Variants in PIP5K1B observed in about 807,000 individuals in gnomAD.
The protein encoded by PIP5K1B is phosphatidylinositol-4-phosphate 5-kinase type 1 beta, also known as phosphatidylinositol 4-phosphate 5-kinase type-1 beta.
PIP5K1B carries 42 observed loss-of-function variants against 67.0 expected under a neutral mutation model. The observed-to-expected ratio is 0.63, with a 90% confidence interval of 0.49 to 0.81. The LOEUF is 0.81. Among genes scored for constraint, PIP5K1B ranks in the 30% least tolerant of loss-of-function variants. PIP5K1B has a pLI of 0.00. For synonymous variants in PIP5K1B, 214 were observed against 231.4 expected (o/e 0.92, Z 0.68); for missense variants, 459 against 646.3 (o/e 0.71, Z 3.14).
At chr9:68,960,458 T>C (rs1205852718) in intron 14 of PIP5K1B, among the ~76,000 whole-genome samples, 2 of 152,150 alleles carry the variant, frequency 1.3e-5, no homozygotes, top group East Asian at 3.8e-4. Context: ...TTTTCTTAGG[T>C]CTAGGAAATT....
At chr9:68,789,105 T>C (rs1831808588) in intron 2 of PIP5K1B, 2 of 560,782 alleles carry the variant, frequency 3.6e-6, no homozygotes, top group Non-Finnish European at 6.9e-6. Flanking sequence ...GGCATCAATC[T>C]CTTCAATCAC....
intron 6 of PIP5K1B, among the ~76,000 whole-genome samples, chr9:68,887,732 G>T (rs1346018646): frequency 6.6e-6 from 1 of 152,182 alleles, no homozygotes; most frequent in African/African-American, 2.4e-5. Flanking sequence ...TGAACTAAGG[G>T]TGTTGGCAGA....
At chr9:68,799,553 A>G (rs1832481432) in intron 2 of PIP5K1B, among the ~76,000 whole-genome samples, 1 of 152,208 alleles carries the variant, frequency 6.6e-6, no homozygotes, top group Admixed American at 6.5e-5. Context: ...CATATAGGCC[A>G]ATAAAATAGA....
At chr9:68,900,738 AAG>A (rs1340184415) in intron 8 of PIP5K1B, among the ~76,000 whole-genome samples, 4 of 152,180 alleles carry the variant, frequency 2.6e-5, no homozygotes, top group African/African-American at 9.7e-5. Flanking sequence ...TTAATTTTTA[AAG>A]AGTGTGGAAC....
chr9:68,789,210 G>A lies in PIP5K1B; in HGVS notation c.-85-29251G>A, dbSNP rs539774811. ...AGTGGGAAGTTGGTCACCCACATTGGTGCTTCCTGTGATGGTGTTGACAAC... is the reference window on the plus strand; with the variant it reads ...AGTGGGAAGTTGGTCACCCACATTGATGCTTCCTGTGATGGTGTTGACAAC... On this transcript the variant is annotated intron_variant, in intron 2 of 15. Transcript: ENST00000265382. The A allele has an allele frequency of 1.6e-5, 8 of 515,416 alleles. No individual in the cohort carries two copies. In the East Asian group the frequency reaches 3.8e-4, roughly 24 times the overall value. 31.9% of individuals were successfully genotyped at this position (515,416 alleles called of 1,614,324 possible).
At chr9:68,909,435 T>C (rs1479339089) in intron 8 of PIP5K1B, among the ~76,000 whole-genome samples, 1 of 152,100 alleles carries the variant, frequency 6.6e-6, no homozygotes, top group Non-Finnish European at 1.5e-5. Context: ...AATACCATTA[T>C]AATGGATTAA....
intron 4 of PIP5K1B, chr9:68,824,002 G>A (rs1361041874): frequency 2.2e-6 from 1 of 460,584 alleles, no homozygotes; most frequent in Non-Finnish European, 4.3e-6. Flanking sequence ...GAAAAGAGTT[G>A]GGTAAAGATT....
At chr9:68,967,889 G>A (rs182931029) in intron 14 of PIP5K1B, among the ~76,000 whole-genome samples, 1 of 152,172 alleles carries the variant, frequency 6.6e-6, no homozygotes, top group Admixed American at 6.5e-5. Flanking sequence ...CCCCCATGGG[G>A]GTGAGGTGCT....
intron 4 of PIP5K1B, among the ~76,000 whole-genome samples, chr9:68,840,842 T>C (rs73457664): frequency 0.28 from 42,610 of 152,178 alleles, 6,231 homozygotes; most frequent in Middle Eastern, 0.34. Context: ...TATTTTGCCT[T>C]CTAAGGTTAC....
intron 14 of PIP5K1B, among the ~76,000 whole-genome samples, chr9:68,948,182 T>C (rs1466083890): frequency 2.6e-5 from 4 of 152,230 alleles, no homozygotes; most frequent in Non-Finnish European, 4.4e-5. Context: ...ATCAAGCAAA[T>C]GATACCACAT....
In PIP5K1B at chr9:69,008,458, G is replaced by A. The variant is rs1831186757; in HGVS notation, c.*9G>A. ...TTTGCTCCCCCCAGTAAGTGAAAATGGTGATCACCTAAGCACATGGATGAG... is the reference window on the plus strand; with the variant it reads ...TTTGCTCCCCCCAGTAAGTGAAAATAGTGATCACCTAAGCACATGGATGAG... On this transcript the variant is annotated 3_prime_UTR_variant, in exon 16 of 16. Coordinates refer to ENST00000265382, the MANE Select transcript of PIP5K1B (RefSeq NM_003558.4). 6.2e-7 allele frequency: 1 copy of A among 1,613,576 alleles called. No homozygotes were observed. The highest frequency in any genetic ancestry group is 8.5e-7 in the Non-Finnish European group (1 of 1,179,674).
rs558810934 is a variant in PIP5K1B at position 68,735,316 on chromosome 9, C to CTTT, written c.-242-7159_-242-7157dup. On this transcript the variant is annotated intron_variant, in intron 1 of 15. Coordinates refer to ENST00000265382, the MANE Select transcript of PIP5K1B (RefSeq NM_003558.4). ...CAGATTTGCTGTTTTCCCCTAGTGT[C>CTTT]TTTTTTTTTTTTTTTTTTTTTTTTT... Among the ~76,000 whole-genome samples, 9 of 29,806 alleles carry CTTT rather than the reference C, an allele frequency of 3.0e-4. 1 individual carries two copies. Among genetic ancestry groups the CTTT allele is most frequent in the African/African-American group, 1.2e-3 (9 of 7,598 alleles). The allele number at this position is 29,806 out of a possible 152,430, so 19.6% of individuals were successfully genotyped here. A position where few individuals can be genotyped will look rare whatever the true frequency, so the allele number is the denominator to read the frequency against.
At chr9:69,007,101 C>G (rs181117984) in intron 15 of PIP5K1B, among the ~76,000 whole-genome samples, 24 of 152,282 alleles carry the variant, frequency 1.6e-4, no homozygotes, top group Admixed American at 4.6e-4. Context: ...GCCAAGCAAA[C>G]CTTTCTAGCT....
chr9:68,712,864 C>T (rs1298819344), intron 1 of PIP5K1B, among the ~76,000 whole-genome samples: 3 of 152,230 alleles, frequency 2.0e-5, no homozygotes, highest in Non-Finnish European at 4.4e-5. Flanking sequence ...CGTTGCTACA[C>T]TGTTAAAATG....
chr9:68,834,220 C>A (rs1294497729), intron 4 of PIP5K1B, among the ~76,000 whole-genome samples: 1 of 152,224 alleles, frequency 6.6e-6, no homozygotes, highest in East Asian at 1.9e-4. Context: ...CCATCTCCTG[C>A]CATTATCTTG....
At position 68,893,238 on chromosome 9, in the gene PIP5K1B, A is replaced by G. The variant is rs533631351; in HGVS notation, c.472-1101A>G. On this transcript the variant is annotated intron_variant, in intron 7 of 15. Transcript: ENST00000265382. ...GGGAAGAATCAAGGATAGCAGAGAC[A>G]CTTTTCATTGACTACATGCCGTTTT... 1.1e-4 allele frequency among the ~76,000 whole-genome samples: 16 copies of G among 152,070 alleles called. No individual in the cohort carries two copies. In the East Asian group the frequency reaches 3.1e-3, roughly 29 times the overall value.
Position 68,820,919 on chromosome 9 carries a change from T to A in PIP5K1B, c.1-1696T>A, listed in dbSNP as rs75651830. Among the ~76,000 whole-genome samples the A allele has an allele frequency of 7.5e-3, 1,138 of 152,316 alleles. 68 individuals are homozygous for A. The East Asian group carries it at 0.13, about 18-fold the overall frequency. ...CTTAAGGCATTAGAATTCACAAAGA[T>A]ACGCAATAGTTTTGAGTGTGTAAAA... On this transcript the variant is annotated intron_variant, in intron 3 of 15. Transcript: ENST00000265382.
At chr9:68,813,842 A>G (rs1167342392) in intron 2 of PIP5K1B, among the ~76,000 whole-genome samples, 3 of 152,348 alleles carry the variant, frequency 2.0e-5, no homozygotes, top group Non-Finnish European at 2.9e-5. Flanking sequence ...GAAGAATTCA[A>G]TCGAGTCTCA....
At chr9:68,890,435 A>G (rs1003803918) in intron 7 of PIP5K1B, among the ~76,000 whole-genome samples, 11 of 152,332 alleles carry the variant, frequency 7.2e-5, no homozygotes, top group Non-Finnish European at 1.3e-4. Flanking sequence ...AGTTCTGCCA[A>G]TCACTTGCTA....
Sources: allele counts gnomAD v4.1 joint callset (sites outside exome capture counted in the v4.1 genomes callset), GRCh38; gene constraint gnomAD v4.1.1; transcripts MANE v1.5; gene names NCBI Gene and HGNC (gene_info 2026-07-23, HGNC 2026-07-21).